Variants in COBL observed in about 807,000 individuals in gnomAD.
COBL encodes the protein protein cordon-bleu.
COBL carries 51 observed loss-of-function variants against 98.8 expected under a neutral mutation model. The observed-to-expected ratio is 0.52, with a 90% CI of 0.41 to 0.65. COBL has a LOEUF of 0.65. COBL is among the 30% of genes least tolerant of loss of function. The pLI is 0.00. For missense variants in COBL, 1,617 were observed against 1,617.5 expected (o/e 1.00, Z 0.01); for synonymous variants, 634 against 651.7 (o/e 0.97, Z 0.41).
At chr7:51,120,277 ACT>A (rs1164459535) in intron 6 of COBL, among the ~76,000 whole-genome samples, 10 of 152,170 alleles carry the variant, frequency 6.6e-5, no homozygotes, top group Admixed American at 1.3e-4. Flanking sequence ...AAGTTATTTC[ACT>A]GTCAAATAAA....
chr7:51,062,348 G>A (rs975755411), intron 7 of COBL, among the ~76,000 whole-genome samples: 3 of 151,860 alleles, frequency 2.0e-5, no homozygotes, highest in Non-Finnish European at 2.9e-5. Flanking sequence ...CTTGCTTGAA[G>A]GTGCAGCTGC....
At chr7:51,203,248 G>C (rs2129067459) in intron 2 of COBL, among the ~76,000 whole-genome samples, 1 of 116,508 alleles carries the variant, frequency 8.6e-6, no homozygotes, top group South Asian at 3.3e-4. Flanking sequence ...GGATCACGAG[G>C]TCAGGAGATC....
rs1785639787 is a variant in COBL at position 51,152,313 on chromosome 7, A to G, written c.784-15982T>C. Among the ~76,000 whole-genome samples the G allele has an allele frequency of 2.0e-5, 3 of 152,220 alleles. No homozygotes were observed. The South Asian group carries it at 6.2e-4, about 32-fold the overall frequency. ...TCAAATAAAAATCAATTATTTTGCA[A>G]TACTAGGAAAGTTCTCACATCTGTA... On this transcript the variant is annotated intron_variant, in intron 5 of 12. Coordinates refer to ENST00000265136, the MANE Select transcript of COBL (RefSeq NM_015198.5).
At chr7:51,104,287 TG>T (rs1562916592) in intron 6 of COBL, among the ~76,000 whole-genome samples, 1 of 152,256 alleles carries the variant, frequency 6.6e-6, no homozygotes. Flanking sequence ...GATGATTATA[TG>T]TAATTTCCTC....
chr7:51,162,502 T>G (rs761676491), intron 5 of COBL, among the ~76,000 whole-genome samples: 1 of 152,112 alleles, frequency 6.6e-6, no homozygotes, highest in African/African-American at 2.4e-5. Context: ...CCATCTACAT[T>G]AGGATTTTTT....
chr7:51,118,665 C>T (rs559680194), intron 6 of COBL, among the ~76,000 whole-genome samples: 25 of 152,034 alleles, frequency 1.6e-4, no homozygotes, highest in African/African-American at 5.5e-4. Flanking sequence ...GTGTTGGTCA[C>T]GAAGACCAAA....
At chr7:51,027,380 A>G (rs542872640) in intron 10 of COBL, among the ~76,000 whole-genome samples, 4 of 152,358 alleles carry the variant, frequency 2.6e-5, no homozygotes, top group African/African-American at 7.2e-5. Context: ...TTGTTCAAGG[A>G]TAACCATATG....
At chr7:51,257,228 C>T (rs1797273306) in intron 1 of COBL, among the ~76,000 whole-genome samples, 1 of 152,178 alleles carries the variant, frequency 6.6e-6, no homozygotes, top group African/African-American at 2.4e-5. Flanking sequence ...GAATTACGTC[C>T]CCAACAACGT....
intron 6 of COBL, among the ~76,000 whole-genome samples, chr7:51,118,623 G>C (rs552553172): frequency 2.0e-5 from 3 of 151,910 alleles, no homozygotes; most frequent in African/African-American, 4.8e-5. Context: ...GAATCACTGG[G>C]GGGGAGAGGG....
At position 51,161,192 on chromosome 7, in the gene COBL, C is replaced by CTG. The variant is rs748723826; in HGVS notation, c.783+22908_783+22909dup. Among the ~76,000 whole-genome samples, 3 of 152,232 alleles carry CTG rather than the reference C, an allele frequency of 2.0e-5. No individual in the cohort carries two copies. The East Asian group carries it at 5.8e-4, about 29-fold the overall frequency. ...CCAGAAAAGCTCGCGAGGGGATTTGCTGTGTGTGTGACAACACTGCCACCC... is the reference window on the plus strand; with the variant it reads ...CCAGAAAAGCTCGCGAGGGGATTTGCTGTGTGTGTGTGACAACACTGCCACCC... On this transcript the variant is annotated intron_variant, in intron 5 of 12. Transcript: ENST00000265136.
chr7:51,073,355 G>T (rs547546553), intron 7 of COBL: 2 of 697,606 alleles, frequency 2.9e-6, no homozygotes, highest in Non-Finnish European at 2.6e-6. Context: ...GAAGCGCTTG[G>T]CCTGAGTAGG....
chr7:51,173,904 ACATT>A (rs1788113661), intron 5 of COBL, among the ~76,000 whole-genome samples: 1 of 152,112 alleles, frequency 6.6e-6, no homozygotes, highest in Non-Finnish European at 1.5e-5. Context: ...TTTTATACAC[ACATT>A]CACACACATA....
At chr7:51,187,971 G>A (rs920792328) in intron 4 of COBL, 1 of 1,232,254 alleles carries the variant, frequency 8.1e-7, no homozygotes, top group African/African-American at 1.6e-5. Flanking sequence ...GGAAAAGGCA[G>A]GCAATGAGAG....
intron 2 of COBL, among the ~76,000 whole-genome samples, chr7:51,208,189 C>T (rs1423499985): frequency 6.6e-6 from 1 of 151,442 alleles, no homozygotes; most frequent in African/African-American, 2.4e-5. Context: ...AGACCCTCTG[C>T]CTGGCAACCG....
chr7:51,089,161 C>T (rs1794566572), intron 6 of COBL, among the ~76,000 whole-genome samples: 1 of 152,150 alleles, frequency 6.6e-6, no homozygotes, highest in African/African-American at 2.4e-5. Context: ...TGCTGGGCCT[C>T]TTTCACCCAG....
chr7:51,155,484 G>C (rs913901752), intron 5 of COBL, among the ~76,000 whole-genome samples: 8 of 150,280 alleles, frequency 5.3e-5, no homozygotes, highest in Admixed American at 4.0e-4. Flanking sequence ...CAGCTACTCA[G>C]GAGGCTGAGG....
In COBL at chr7:51,028,721, G is replaced by C; in HGVS notation, c.2375C>G (p.Pro792Arg). The C allele has an allele frequency of 1.9e-6, 3 of 1,614,072 alleles. No individual in the cohort carries two copies. The highest frequency in any genetic ancestry group is 2.5e-6 in the Non-Finnish European group (3 of 1,179,978). Residue 792 changes from proline to arginine, a missense_variant, in exon 10 of 13, where the codon CCC (proline) becomes CGC (arginine). Pro to Arg is a moderately radical substitution (Grantham distance 103). This residue lies in a region of COBL where 1,304 missense variants were observed against 1,282.0 expected (regional missense o/e 1.02). Coordinates refer to ENST00000265136, the MANE Select transcript of COBL (RefSeq NM_015198.5). ...CGTCTGCGTGGGCACAGGGGTGGAG[G>C]GGGGTCCCCTGGCAGAGCTCTCTGA... ...RPSESSARGP[P>R]STPVPTQTQN...
At chr7:51,197,111 A>C (rs1352134027) in intron 2 of COBL, among the ~76,000 whole-genome samples, 1 of 151,982 alleles carries the variant, frequency 6.6e-6, no homozygotes, top group African/African-American at 2.4e-5. Flanking sequence ...TTTCAATTGT[A>C]GTGTTAGGTT....
chr7:51,187,331 T>TATACATAC (rs1554421096), intron 4 of COBL, among the ~76,000 whole-genome samples: 12 of 101,454 alleles, frequency 1.2e-4, no homozygotes, highest in Admixed American at 9.7e-4. Context: ...TATATATATA[T>TATACATAC]ACACACACAC....
Sources: gnomAD v4.1 joint callset for allele counts (sites outside exome capture counted in the v4.1 genomes callset) on GRCh38, gnomAD v4.1.1 for gene constraint, gnomAD v4.1.1 regional missense constraint, MANE v1.5 for transcripts, NCBI Gene and HGNC (gene_info 2026-07-23, HGNC 2026-07-21) for gene names.